Variants in FCRL3 observed in about 807,000 individuals in gnomAD.
FCRL3 encodes Fc receptor-like protein 3.
In FCRL3, 89 loss-of-function variants were observed where a neutral mutation model predicts 75.0. The observed-to-expected ratio is 1.19, with a 90% CI of 1.00 to 1.42. The LOEUF is 1.42. Ranked by LOEUF, FCRL3 falls within the 40% of genes most tolerant of loss-of-function variation. The pLI is 0.00. For synonymous variants in FCRL3, 376 were observed against 348.5 expected (o/e 1.08, Z -0.88); for missense variants, 946 against 880.0 (o/e 1.07, Z -0.95).
chr1:157,684,985 A>G (rs1177609875), intron 10 of FCRL3, among the ~76,000 whole-genome samples: 2 of 151,990 alleles, frequency 1.3e-5, no homozygotes, highest in Non-Finnish European at 2.9e-5. Flanking sequence ...AAGAGCACAG[A>G]CCCTCTGCTT....
intron 2 of FCRL3, 67 bp from the exon 3 acceptor site, chr1:157,699,779 C>T: frequency 2.6e-6 from 4 of 1,555,866 alleles, no homozygotes; most frequent in Non-Finnish European, 3.5e-6. Flanking sequence ...TAACCACAAC[C>T]ACTTCTTTTG....
chr1:157,678,643 T>G lies in FCRL3; in HGVS notation c.*67A>C. On this transcript the variant is annotated 3_prime_UTR_variant, in exon 15 of 15. Coordinates refer to ENST00000368184, the MANE Select transcript of FCRL3 (RefSeq NM_052939.4). ...GCAGAGTCTGGAGAGATGGATGATG[T>G]GTGGTTGGAGAGAACAGAAAAAAAA... The G allele has an allele frequency of 6.3e-7, 1 of 1,596,440 alleles. No homozygotes were observed. Among genetic ancestry groups the G allele is most frequent in the Non-Finnish European group, 8.5e-7 (1 of 1,175,352 alleles).
chr1:157,689,393 T>C (rs1352089896), intron 10 of FCRL3, among the ~76,000 whole-genome samples: 1 of 152,214 alleles, frequency 6.6e-6, no homozygotes, highest in African/African-American at 2.4e-5. Flanking sequence ...TAATCTCATT[T>C]TTGGCATTCT....
chr1:157,699,784 C>A (rs1571222166), intron 2 of FCRL3, 72 bp from the exon 3 acceptor site: 1 of 1,540,276 alleles, frequency 6.5e-7, no homozygotes, highest in Non-Finnish European at 8.9e-7. Context: ...ACAACCACTT[C>A]TTTTGTTTTT....
intron 5 of FCRL3, 88 bp from the exon 6 acceptor site, chr1:157,697,512 G>T: frequency 6.7e-7 from 1 of 1,483,982 alleles, no homozygotes; most frequent in South Asian, 1.4e-5. Flanking sequence ...CCAGCCATCA[G>T]GAGATAGAGA....
In FCRL3 at chr1:157,697,120, G is replaced by A. The variant is rs767085519; in HGVS notation, c.844+20C>T. 1.4e-6 allele frequency: 2 copies of A among 1,412,728 alleles called. No homozygotes were observed. Among genetic ancestry groups the A allele is most frequent in the African/African-American group, 1.5e-5 (1 of 68,522 alleles). The allele number at this position is 1,412,728 out of a possible 1,614,324, so 87.5% of individuals were successfully genotyped here. ...TCTCCCCAGCTCTGACTCTGGAAGA[G>A]CAGCCCCTTAGACACTCACTCTGTA... On this transcript the variant is annotated intron_variant, in intron 6 of 14. Transcript: ENST00000368184.
rs1055164722 is a variant in FCRL3, at chr1:157,696,110, C to A, written c.1062G>T (p.Gly354=). 3.2e-5 allele frequency: 51 copies of A among 1,613,820 alleles called. No individual in the cohort carries two copies. Among genetic ancestry groups the A allele is most frequent in the Non-Finnish European group, 4.2e-5 (50 of 1,179,988 alleles). ...HVLTVKESDA[G]RYYCAADNVH... ...CGTTATCAGCTGCACAGTAGTATCT[C>A]CCTGCATCACTCTCCTTCACGGTGA... Residue 354 remains glycine (G), a synonymous_variant, in exon 7 of 15, where the codon GGG becomes GGT. Coordinates refer to ENST00000368184, the MANE Select transcript of FCRL3 (RefSeq NM_052939.4).
intron 10 of FCRL3, among the ~76,000 whole-genome samples, chr1:157,687,203 C>A (rs777764185): frequency 4.0e-5 from 6 of 151,198 alleles, no homozygotes; most frequent in Non-Finnish European, 7.4e-5. Flanking sequence ...CATCACTAAT[C>A]TCCAGAGAAA....
intron 11 of FCRL3, 142 bp downstream of exon 11, chr1:157,683,075 C>T (rs1452202692): frequency 1.2e-6 from 1 of 850,778 alleles, no homozygotes; most frequent in East Asian, 2.7e-5. Context: ...AAGTGACATT[C>T]ACTTATATCT....
At position 157,698,698 on chromosome 1, in the gene FCRL3, C is replaced by T. The variant is rs371669610; in HGVS notation, c.53-69G>A. On this transcript the variant is annotated intron_variant, in intron 3 of 14. Transcript: ENST00000368184. ...GAGGTGGGCACAGCACATGGGGAGCCCAACCTACAGTCAGGAGTTTTCCTG... is the reference window on the plus strand; with the variant it reads ...GAGGTGGGCACAGCACATGGGGAGCTCAACCTACAGTCAGGAGTTTTCCTG... 12 of 1,536,712 alleles carry T rather than the reference C, an allele frequency of 7.8e-6. No homozygotes were observed. The South Asian group carries it at 1.4e-4, about 18-fold the overall frequency.
Position 157,695,887 on chromosome 1 carries a change from C to A in FCRL3, c.1132+153G>T, listed in dbSNP as rs59508932. Reference sequence around the variant, plus strand: ...CATTTCTTGGATAGCTTTTAAATATCTCTCTCTCTCTCTCTCCCCCTCTCT... The same window carrying A: ...CATTTCTTGGATAGCTTTTAAATATATCTCTCTCTCTCTCTCCCCCTCTCT... On this transcript the variant is annotated intron_variant, in intron 7 of 14. Coordinates refer to ENST00000368184, the MANE Select transcript of FCRL3 (RefSeq NM_052939.4). 2,338 of 402,638 alleles carry A rather than the reference C, an allele frequency of 5.8e-3. 47 individuals are homozygous for A. The highest frequency in any genetic ancestry group is 0.045 in the African/African-American group (2,139 of 47,500). The allele number at this position is 402,638 out of a possible 1,614,324, so 24.9% of individuals were successfully genotyped here.
Position 157,680,710 on chromosome 1 carries a change from T to C in FCRL3, c.2018A>G (p.Glu673Gly), listed in dbSNP as rs150534149. The change falls in exon 13 of 15, where the codon GAA becomes GGA. Residue 673 changes from glutamate (E) to glycine (G), a missense_variant. By Grantham distance (98) the Glu-to-Gly change is moderately conservative. Coordinates refer to ENST00000368184, the MANE Select transcript of FCRL3 (RefSeq NM_052939.4). ...SQIWSIQHTK[E>G]NSANCPMMHQ... ...CCTGAAAGGCATCTTACCTGAGTTT[T>C]CTTTTGTATGCTGGATGCTCCAGAT... The C allele has an allele frequency of 7.6e-5, 123 of 1,613,948 alleles. No homozygotes were observed. The highest frequency in any genetic ancestry group is 4.5e-4 in the Admixed American group (27 of 59,974).
chr1:157,698,435 T>C lies in FCRL3; in HGVS notation c.247A>G (p.Lys83Glu), dbSNP rs758665383. 1.2e-6 allele frequency: 2 copies of C among 1,614,106 alleles called. No individual in the cohort carries two copies. The highest frequency in any genetic ancestry group is 1.1e-5 in the South Asian group (1 of 91,090). Residue 83 changes from lysine (K) to glutamate (E), a missense_variant, in exon 4 of 15, where the codon AAG becomes GAG. Transcript: ENST00000368184. Reference protein sequence around the residue: ...QITEPGNYQCKTRGSSLSDAV... With the variant: ...QITEPGNYQCETRGSSLSDAV... ...TCACTGAGGGAGGATCCTCGGGTCT[T>C]ACATTGGTAATTTCCAGGCTCTGTA... is the stretch of plus-strand genomic sequence containing the variant.
intron 8 of FCRL3, among the ~76,000 whole-genome samples, chr1:157,693,505 C>A (rs1217418405): frequency 6.6e-6 from 1 of 152,060 alleles, no homozygotes; most frequent in Non-Finnish European, 1.5e-5. Flanking sequence ...AAGCTTTAAG[C>A]AGTAACAGAC....
intron 2 of FCRL3, 42 bp downstream of exon 2, chr1:157,700,417 T>C: frequency 6.2e-7 from 1 of 1,613,694 alleles, no homozygotes. Context: ...TGGTCACCTT[T>C]AGGAACTGAG....
chr1:157,685,790 A>G lies in FCRL3; in HGVS notation c.1811-2546T>C, dbSNP rs975764809. 2.0e-5 allele frequency among the ~76,000 whole-genome samples: 3 copies of G among 152,298 alleles called. 1 individual carries two copies. The highest frequency in any genetic ancestry group is 1.3e-4 in the Admixed American group (2 of 15,292). ...GCAATAAAAATAGAAATAAATATCA[A>G]GAAGATCTCTCAAAACTAACAAATA... On this transcript the variant is annotated intron_variant, in intron 10 of 14. Transcript: ENST00000368184.
intron 8 of FCRL3, among the ~76,000 whole-genome samples, chr1:157,694,884 G>A (rs1655784782): frequency 6.6e-6 from 1 of 152,182 alleles, no homozygotes; most frequent in Admixed American, 6.5e-5. Flanking sequence ...TATCCATGAA[G>A]AGAGACACTT....
intron 9 of FCRL3, 72 bp from the exon 10 acceptor site, chr1:157,689,989 G>A (rs1440646966): frequency 8.2e-6 from 13 of 1,593,600 alleles, no homozygotes; most frequent in Non-Finnish European, 1.1e-5. Flanking sequence ...TGCAAGTAGG[G>A]TGAGTGTGTT....
At chr1:157,693,662 ATTGT>A (rs913536091) in intron 8 of FCRL3, among the ~76,000 whole-genome samples, 1 of 152,076 alleles carries the variant, frequency 6.6e-6, no homozygotes, top group Non-Finnish European at 1.5e-5. Context: ...ATTTTAAAAT[ATTGT>A]TTATTTCATT....
Sources: gnomAD v4.1 joint callset for allele counts (sites outside exome capture counted in the v4.1 genomes callset) on GRCh38, gnomAD v4.1.1 for gene constraint, MANE v1.5 for transcripts, NCBI Gene and HGNC (gene_info 2026-07-23, HGNC 2026-07-21) for gene names.